The following CTXND2 variants were observed in gnomAD, a reference collection of about 807,000 sequenced individuals.
CTXND2 encodes the protein cortexin domain containing 2.
At chr1:150,905,103 C>CACACAA (rs1491163673) in intron 1 of CTXND2, among the ~76,000 whole-genome samples, 1 of 134,700 alleles carries the variant, frequency 7.4e-6, no homozygotes, top group Non-Finnish European at 1.6e-5. Flanking sequence ...CACACACACA[C>CACACAA]AAATCACCCT....
At position 150,905,062 on chromosome 1, in the gene CTXND2, CCACACACACACACACA is replaced by C. The variant is rs58415621; in HGVS notation, c.-73-7153_-73-7138del. Among the ~76,000 whole-genome samples the C allele has an allele frequency of 3.1e-4, 41 of 130,826 alleles. No individual in the cohort carries two copies. In the East Asian group the frequency reaches 3.4e-3, roughly 11 times the overall value. The allele number at this position is 130,826 out of a possible 152,430, so 85.8% of individuals were successfully genotyped here. On this transcript the variant is annotated intron_variant, in intron 1 of 1. Transcript: ENST00000636087. ...TAAGACAAGATAATCAAAAAGAAAA[CCACACACACACACACA>C]CACACACACACACACACACACACAC... is the stretch of plus-strand genomic sequence containing the variant.
intron 1 of CTXND2, among the ~76,000 whole-genome samples, chr1:150,889,269 G>C (rs962512141): frequency 1.3e-5 from 2 of 151,648 alleles, no homozygotes; most frequent in Admixed American, 6.6e-5. Context: ...GCGTGGCAGC[G>C]GGCACCTGTA....
At chr1:150,890,820 C>T (rs587648573) in intron 1 of CTXND2, among the ~76,000 whole-genome samples, 2 of 152,166 alleles carry the variant, frequency 1.3e-5, no homozygotes, top group South Asian at 2.1e-4. Context: ...AAATTTTATA[C>T]CCTTCACTTT....
chr1:150,900,149 C>T (rs1483764091), intron 1 of CTXND2, among the ~76,000 whole-genome samples: 1 of 152,156 alleles, frequency 6.6e-6, no homozygotes, highest in Admixed American at 6.5e-5. Flanking sequence ...CTCAATAAAT[C>T]TTCCTGCTGC....
intron 1 of CTXND2, among the ~76,000 whole-genome samples, chr1:150,907,854 C>A (rs1161407718): frequency 6.6e-6 from 1 of 151,990 alleles, no homozygotes; most frequent in Non-Finnish European, 1.5e-5. Context: ...GGACTACAGG[C>A]ACCTGCCACC....
intron 1 of CTXND2, among the ~76,000 whole-genome samples, chr1:150,901,475 CAT>C (rs1195832376): frequency 2.6e-5 from 4 of 152,184 alleles, no homozygotes; most frequent in Non-Finnish European, 4.4e-5. Flanking sequence ...GGGGTGCTCA[CAT>C]GTTATGATTT....
chr1:150,895,040 A>G (rs1260917004), intron 1 of CTXND2, among the ~76,000 whole-genome samples: 3 of 151,618 alleles, frequency 2.0e-5, no homozygotes, highest in Admixed American at 1.3e-4. Flanking sequence ...CCCTCAAAAA[A>G]ACATATATAT....
At chr1:150,892,065 T>A (rs1668858465) in intron 1 of CTXND2, among the ~76,000 whole-genome samples, 1 of 152,174 alleles carries the variant, frequency 6.6e-6, no homozygotes, top group Non-Finnish European at 1.5e-5. Flanking sequence ...TCTCTTGAAA[T>A]GCACTAATTG....
At chr1:150,910,097 G>T (rs1669222912) in intron 1 of CTXND2, among the ~76,000 whole-genome samples, 2 of 149,416 alleles carry the variant, frequency 1.3e-5, no homozygotes, top group East Asian at 2.0e-4. Flanking sequence ...AGACCAGAAG[G>T]TCAATTTCTT....
chr1:150,899,033 G>A (rs1302372769), intron 1 of CTXND2, among the ~76,000 whole-genome samples: 1 of 151,196 alleles, frequency 6.6e-6, no homozygotes, highest in Non-Finnish European at 1.5e-5. Context: ...GGGAGGGGGA[G>A]CTTGCAGTGA....
chr1:150,901,028 C>A (rs941600373), intron 1 of CTXND2, among the ~76,000 whole-genome samples: 18 of 152,078 alleles, frequency 1.2e-4, no homozygotes, highest in African/African-American at 4.3e-4. Context: ...AGGAGGATCC[C>A]TTGAGCCCAG....
intron 1 of CTXND2, among the ~76,000 whole-genome samples, chr1:150,896,419 A>G (rs918626613): frequency 1.3e-5 from 2 of 152,302 alleles, no homozygotes; most frequent in Admixed American, 6.5e-5. Context: ...AAAGCATCCT[A>G]CCTGATACCT....
At chr1:150,900,763 G>A (rs888710842) in intron 1 of CTXND2, among the ~76,000 whole-genome samples, 2 of 152,076 alleles carry the variant, frequency 1.3e-5, no homozygotes, top group African/African-American at 4.8e-5. Context: ...GAGGGGAGAA[G>A]GAGACCACAC....
intron 1 of CTXND2, among the ~76,000 whole-genome samples, chr1:150,900,036 C>T (rs893509191): frequency 5.9e-5 from 9 of 152,150 alleles, no homozygotes; most frequent in Non-Finnish European, 1.0e-4. Flanking sequence ...CAGCAGGACA[C>T]GGGCAGGGCC....
chr1:150,892,815 G>A (rs1167097318), intron 1 of CTXND2, among the ~76,000 whole-genome samples: 2 of 151,906 alleles, frequency 1.3e-5, no homozygotes, highest in African/African-American at 4.8e-5. Context: ...CTAGGACTAC[G>A]GGCATGAGCC....
At chr1:150,887,473 T>A (rs1329059691) in intron 1 of CTXND2, among the ~76,000 whole-genome samples, 160 bp downstream of exon 1, 1 of 150,094 alleles carries the variant, frequency 6.7e-6, no homozygotes, top group African/African-American at 2.5e-5. Flanking sequence ...TATTATTATT[T>A]TTAGAGGCAG....
chr1:150,892,528 C>CTTTTTTTT (rs5777740), intron 1 of CTXND2, among the ~76,000 whole-genome samples: 14 of 123,344 alleles, frequency 1.1e-4, no homozygotes, highest in African/African-American at 1.8e-4. Flanking sequence ...TCTTCTTCTT[C>CTTTTTTTT]TTTTTTTTTT....
At chr1:150,905,047 TAATC>T (rs936983414) in intron 1 of CTXND2, among the ~76,000 whole-genome samples, 34 of 120,014 alleles carry the variant, frequency 2.8e-4, no homozygotes, top group African/African-American at 9.8e-4. Context: ...TAAGACAAGA[TAATC>T]AAAAAGAAAA....
chr1:150,903,328 G>A (rs1185367729), intron 1 of CTXND2, among the ~76,000 whole-genome samples: 3 of 151,776 alleles, frequency 2.0e-5, no homozygotes, highest in South Asian at 2.1e-4. Context: ...TGTCCCTCCC[G>A]CTTCCCACCC....
Sources: allele counts gnomAD v4.1 joint callset (sites outside exome capture counted in the v4.1 genomes callset), GRCh38; gene constraint gnomAD v4.1.1; transcripts MANE v1.5; gene names NCBI Gene and HGNC (gene_info 2026-07-23, HGNC 2026-07-21).